SNRNP48: variants seen among roughly 807,000 people sequenced by gnomAD.
The protein encoded by SNRNP48 is small nuclear ribonucleoprotein U11/U12 subunit 48.
A neutral mutation model predicts 47.0 loss-of-function variants in SNRNP48; 43 were observed. The ratio of observed to expected loss-of-function variants is 0.92; its 90% CI spans 0.72 to 1.18. SNRNP48 has a LOEUF of 1.18. SNRNP48 is among the 50% of genes most tolerant of loss of function. SNRNP48 has a pLI of 0.00. For synonymous variants in SNRNP48, 138 were observed against 144.0 expected, an observed-to-expected ratio of 0.96 and a Z score of 0.30; for missense variants, 396 against 422.2, an observed-to-expected ratio of 0.94 and a Z score of 0.54.
intron 8 of SNRNP48, 32 bp downstream of exon 8, chr6:7,606,227 ATTCTG>A (rs781324777): frequency 1.3e-6 from 2 of 1,558,030 alleles, no homozygotes; most frequent in South Asian, 2.4e-5. Flanking sequence ...CCAACGTTGA[ATTCTG>A]TACTTTTTAA....
chr6:7,592,110 G>A (rs1403071870), intron 1 of SNRNP48, among the ~76,000 whole-genome samples: 1 of 152,174 alleles, frequency 6.6e-6, no homozygotes, highest in Non-Finnish European at 1.5e-5. Flanking sequence ...GGTGGACAAA[G>A]TGGTGGTCAG....
intron 4 of SNRNP48, chr6:7,600,845 C>T (rs920404914): frequency 2.0e-5 from 3 of 152,184 alleles, no homozygotes; most frequent in African/African-American, 7.2e-5. Flanking sequence ...GAATATTGAC[C>T]ATCTAGCTTG....
At chr6:7,603,552 A>G (rs911126451) in intron 6 of SNRNP48, among the ~76,000 whole-genome samples, 2 of 152,222 alleles carry the variant, frequency 1.3e-5, no homozygotes, top group East Asian at 1.9e-4. Flanking sequence ...GCATATAATT[A>G]TTCTTACCTC....
chr6:7,611,137 G>A lies in SNRNP48; in HGVS notation c.*2264G>A, dbSNP rs1464157986. On this transcript the variant is annotated 3_prime_UTR_variant, in exon 9 of 9. Transcript: ENST00000342415. Reference sequence around the variant, plus strand: ...TGCAGCCTCAAACTCCTAGGCTCAGGCGATCCTCTTGCCCTGGCCTCCCAT... The same window carrying A: ...TGCAGCCTCAAACTCCTAGGCTCAGACGATCCTCTTGCCCTGGCCTCCCAT... 1 of 152,286 alleles carries A rather than the reference G, an allele frequency of 6.6e-6. No homozygotes were observed. The highest frequency in any genetic ancestry group is 2.4e-5 in the African/African-American group (1 of 41,444). The allele number at this position is 152,286 out of a possible 1,614,324, so 9.4% of individuals were successfully genotyped here.
rs1760235478 is a variant in SNRNP48, at chr6:7,611,540, A to G, written c.*2667A>G. 1 of 152,182 alleles carries G rather than the reference A, an allele frequency of 6.6e-6. No individual in the cohort carries two copies. Among genetic ancestry groups the G allele is most frequent in the South Asian group, 2.1e-4 (1 of 4,832 alleles). 9.4% of individuals were successfully genotyped at this position (152,182 alleles called of 1,614,324 possible). ...AGGGCACTGGTTATATTCAGTAGGAAACTGAACTCAGCACTCAGAATTTTA... is the reference window on the plus strand; with the variant it reads ...AGGGCACTGGTTATATTCAGTAGGAGACTGAACTCAGCACTCAGAATTTTA... On this transcript the variant is annotated 3_prime_UTR_variant, in exon 9 of 9. Coordinates refer to ENST00000342415, the MANE Select transcript of SNRNP48 (RefSeq NM_152551.4).
At chr6:7,602,274 C>A (rs1166410543) in intron 5 of SNRNP48, among the ~76,000 whole-genome samples, 1 of 152,078 alleles carries the variant, frequency 6.6e-6, no homozygotes, top group Non-Finnish European at 1.5e-5. Flanking sequence ...ATTTTGATAT[C>A]CTTGGGGGTT....
At chr6:7,595,796 G>C (rs1759894677) in intron 4 of SNRNP48, among the ~76,000 whole-genome samples, 1 of 152,188 alleles carries the variant, frequency 6.6e-6, no homozygotes, top group South Asian at 2.1e-4. Context: ...CAGAAAAAAA[G>C]TACAAACACA....
intron 8 of SNRNP48, among the ~76,000 whole-genome samples, chr6:7,608,427 C>T (rs1300372625): frequency 6.6e-6 from 1 of 151,850 alleles, no homozygotes; most frequent in Non-Finnish European, 1.5e-5. Flanking sequence ...TGTGGTGGTT[C>T]GCGCCTGAAA....
At position 7,609,659 on chromosome 6, in the gene SNRNP48, G is replaced by A. The variant is rs1468908110; in HGVS notation, c.*786G>A. 1.3e-5 allele frequency: 2 copies of A among 152,132 alleles called. No individual in the cohort carries two copies. Among genetic ancestry groups the A allele is most frequent in the Middle Eastern group, 6.8e-3 (2 of 294 alleles). 9.4% of individuals were successfully genotyped at this position (152,132 alleles called of 1,614,324 possible). On this transcript the variant is annotated 3_prime_UTR_variant, in exon 9 of 9. Transcript: ENST00000342415. ...TCAGGATTGGGAGGGTGGTCAGAGG[G>A]AACTTTAGCTTTATCCATAACATTA...
intron 8 of SNRNP48, among the ~76,000 whole-genome samples, chr6:7,606,525 C>T (rs998423801): frequency 5.3e-5 from 8 of 152,156 alleles, no homozygotes; most frequent in South Asian, 2.1e-4. Flanking sequence ...TTCTTCTGCT[C>T]ATTCCTTCCT....
chr6:7,601,377 A>G lies in SNRNP48; in HGVS notation c.448A>G (p.Lys150Glu). 1.3e-6 allele frequency: 2 copies of G among 1,578,946 alleles called. No individual in the cohort carries two copies. The highest frequency in any genetic ancestry group is 8.5e-7 in the Non-Finnish European group (1 of 1,171,474). ...GCCTGTTGAAGTTCCTTTGAATCACAAACGGTTTGTTTGTGATCTAACTCA... is the reference window on the plus strand; with the variant it reads ...GCCTGTTGAAGTTCCTTTGAATCACGAACGGTTTGTTTGTGATCTAACTCA... ...SLPVEVPLNH[K>E]RFVCDLTQAD... The change falls in exon 5 of 9, where the codon AAA (lysine) becomes GAA (glutamate). Residue 150 changes from lysine (K) to glutamate (E), a missense_variant. Transcript: ENST00000342415.
intron 6 of SNRNP48, among the ~76,000 whole-genome samples, chr6:7,603,166 CAG>C (rs1183937951): frequency 6.6e-5 from 10 of 152,206 alleles, no homozygotes; most frequent in Admixed American, 2.0e-4. Context: ...AATTGACTGA[CAG>C]AATGTATGCA....
chr6:7,599,445 A>G (rs1375739252), intron 4 of SNRNP48, among the ~76,000 whole-genome samples: 1 of 152,184 alleles, frequency 6.6e-6, no homozygotes, highest in East Asian at 1.9e-4. Context: ...TTTTGCCACA[A>G]AAAACCTGCA....
At position 7,609,425 on chromosome 6, in the gene SNRNP48, T is replaced by C. The variant is rs1158776241; in HGVS notation, c.*552T>C. 1 of 152,206 alleles carries C rather than the reference T, an allele frequency of 6.6e-6. No individual in the cohort carries two copies. Among genetic ancestry groups the C allele is most frequent in the East Asian group, 1.9e-4 (1 of 5,196 alleles). 9.4% of individuals were successfully genotyped at this position (152,206 alleles called of 1,614,324 possible). The stretch of plus-strand genomic sequence containing the variant: ...TTAAAAGAAATAATCTAGATCCATA[T>C]TAACCTGGATTGGTCTCAAAAACAT... On this transcript the variant is annotated 3_prime_UTR_variant, in exon 9 of 9. Coordinates refer to ENST00000342415, the MANE Select transcript of SNRNP48 (RefSeq NM_152551.4).
chr6:7,593,640 G>A (rs1156793814), intron 1 of SNRNP48, 94 bp from the exon 2 acceptor site: 6 of 769,954 alleles, frequency 7.8e-6, no homozygotes, highest in East Asian at 5.6e-5. Context: ...GCACTATACA[G>A]TACTGGTACA....
intron 8 of SNRNP48, 26 bp from the exon 9 acceptor site, chr6:7,608,799 A>ATT: frequency 1.4e-6 from 2 of 1,431,974 alleles, no homozygotes; most frequent in South Asian, 2.6e-5. Flanking sequence ...ATTTATAACC[A>ATT]TTTTTTTATA....
chr6:7,604,333 C>G (rs77364443), intron 6 of SNRNP48, among the ~76,000 whole-genome samples: 1 of 152,096 alleles, frequency 6.6e-6, no homozygotes, highest in Non-Finnish European at 1.5e-5. Context: ...AAGGATTTTC[C>G]GGGTGGAAGA....
At chr6:7,595,574 C>T (rs1328916070) in intron 4 of SNRNP48, among the ~76,000 whole-genome samples, 1 of 152,162 alleles carries the variant, frequency 6.6e-6, no homozygotes, top group Non-Finnish European at 1.5e-5. Context: ...ATGGGTTTAT[C>T]GGGATGTAAC....
At chr6:7,607,064 A>T (rs1050091358) in intron 8 of SNRNP48, among the ~76,000 whole-genome samples, 3 of 152,170 alleles carry the variant, frequency 2.0e-5, no homozygotes, top group African/African-American at 7.2e-5. Context: ...CATGCCTATA[A>T]TCCCTACACT....
Sources: gnomAD v4.1 joint callset for allele counts (sites outside exome capture counted in the v4.1 genomes callset) on GRCh38, gnomAD v4.1.1 for gene constraint, MANE v1.5 for transcripts, NCBI Gene and HGNC (gene_info 2026-07-23, HGNC 2026-07-21) for gene names.